DKK2: variants seen among roughly 807,000 people sequenced by gnomAD.
DKK2 encodes dickkopf-related protein 2.
In DKK2, 11 loss-of-function variants were observed where a neutral mutation model predicts 28.1. That is an observed-to-expected ratio of 0.39 (90% CI 0.25 to 0.65). The LOEUF is 0.65. Ranked by LOEUF, DKK2 falls within the 30% of genes least tolerant of loss-of-function variation. DKK2 has a pLI of 0.47. For synonymous variants in DKK2, 135 were observed against 126.5 expected (o/e 1.07, Z -0.45); for missense variants, 326 against 335.5 (o/e 0.97, Z 0.22).
chr4:107,016,771 T>C (rs1372270265), intron 1 of DKK2, among the ~76,000 whole-genome samples: 3 of 151,834 alleles, frequency 2.0e-5, no homozygotes, highest in Admixed American at 6.6e-5. Flanking sequence ...GGTTGAGCAA[T>C]TGGAAAACTA....
At chr4:106,968,722 C>A (rs988905921) in intron 1 of DKK2, among the ~76,000 whole-genome samples, 1 of 151,958 alleles carries the variant, frequency 6.6e-6, no homozygotes, top group African/African-American at 2.4e-5. Context: ...TTCCATATGG[C>A]GTTCTGGACA....
intron 1 of DKK2, among the ~76,000 whole-genome samples, chr4:106,982,342 G>T (rs1723038731): frequency 6.6e-6 from 1 of 152,156 alleles, no homozygotes; most frequent in Non-Finnish European, 1.5e-5. Context: ...ATTTGCGTAA[G>T]TTAGTGTACT....
At chr4:107,001,190 C>G (rs929693944) in intron 1 of DKK2, among the ~76,000 whole-genome samples, 2 of 152,116 alleles carry the variant, frequency 1.3e-5, no homozygotes, top group Non-Finnish European at 2.9e-5. Context: ...GTACAACATA[C>G]AAAGCCAAGT....
intron 1 of DKK2, among the ~76,000 whole-genome samples, chr4:106,938,422 G>T (rs1042821917): frequency 6.6e-6 from 1 of 152,150 alleles, no homozygotes; most frequent in Non-Finnish European, 1.5e-5. Context: ...AAACCAGGAA[G>T]AAGTTGAATC....
chr4:106,996,082 CA>C (rs1715965450), intron 1 of DKK2, among the ~76,000 whole-genome samples: 1 of 152,088 alleles, frequency 6.6e-6, no homozygotes, highest in South Asian at 2.1e-4. Flanking sequence ...AAAGCAACAA[CA>C]AAAAGTCTAC....
intron 1 of DKK2, among the ~76,000 whole-genome samples, chr4:106,939,270 G>C (rs1325670039): frequency 6.6e-6 from 1 of 152,040 alleles, no homozygotes; most frequent in Non-Finnish European, 1.5e-5. Context: ...AAAGTCTCGG[G>C]ATACAAAATC....
At chr4:107,000,760 A>G (rs1578373738) in intron 1 of DKK2, among the ~76,000 whole-genome samples, 1 of 152,178 alleles carries the variant, frequency 6.6e-6, no homozygotes, top group African/African-American at 2.4e-5. Context: ...CATCTCATAA[A>G]GTATTCATAC....
intron 1 of DKK2, among the ~76,000 whole-genome samples, chr4:106,976,761 G>A (rs1209520140): frequency 1.3e-5 from 2 of 152,152 alleles, no homozygotes; most frequent in Non-Finnish European, 2.9e-5. Context: ...ATTGTTATGT[G>A]TAAATTTGAT....
chr4:106,948,896 A>G (rs1229037859), intron 1 of DKK2, among the ~76,000 whole-genome samples: 1 of 152,146 alleles, frequency 6.6e-6, no homozygotes, highest in East Asian at 1.9e-4. Context: ...GCCAAGTCAG[A>G]TTTCATGCCA....
intron 1 of DKK2, among the ~76,000 whole-genome samples, chr4:106,971,751 C>T (rs974828974): frequency 4.6e-5 from 7 of 152,050 alleles, no homozygotes; most frequent in Non-Finnish European, 8.8e-5. Flanking sequence ...GATGCCTTGG[C>T]GGCTAATCAA....
chr4:107,000,292 A>T (rs2110364813), intron 1 of DKK2, among the ~76,000 whole-genome samples: 1 of 152,244 alleles, frequency 6.6e-6, no homozygotes, highest in Middle Eastern at 3.4e-3. Flanking sequence ...GAATGATGTT[A>T]ATGACTAGAG....
chr4:107,000,406 A>G (rs1723342279), intron 1 of DKK2, among the ~76,000 whole-genome samples: 1 of 152,192 alleles, frequency 6.6e-6, no homozygotes, highest in African/African-American at 2.4e-5. Context: ...AGCAAAATTT[A>G]TATCATCAGT....
chr4:106,990,699 A>T (rs1723190460), intron 1 of DKK2, among the ~76,000 whole-genome samples: 1 of 152,150 alleles, frequency 6.6e-6, no homozygotes, highest in South Asian at 2.1e-4. Context: ...CTTACAGTCC[A>T]GTCTCCAGCT....
Position 106,923,989 on chromosome 4 carries a change from A to G in DKK2, c.745T>C (p.Ser249Pro). 1 of 1,613,924 alleles carries G rather than the reference A, an allele frequency of 6.2e-7. No individual in the cohort carries two copies. Among genetic ancestry groups the G allele is most frequent in the Non-Finnish European group, 8.5e-7 (1 of 1,179,874 alleles). The change falls in exon 4 of 4, where the codon TCC becomes CCC. Residue 249 changes from serine (S) to proline (P), a missense_variant. Ser to Pro is a moderately conservative substitution (Grantham distance 74, BLOSUM62 -1). Coordinates refer to ENST00000285311, the MANE Select transcript of DKK2 (RefSeq NM_014421.3). Reference protein sequence around the residue: ...CKVWKDATYSSKARLHVCQKI With the variant: ...CKVWKDATYSPKARLHVCQKI ...TGACACACATGGAGTCTGGCTTTGG[A>G]GGAGTAGGTGGCATCTTTCCATACT...
chr4:106,985,006 G>A (rs181500473), intron 1 of DKK2, among the ~76,000 whole-genome samples: 8 of 152,052 alleles, frequency 5.3e-5, no homozygotes, highest in Non-Finnish European at 1.2e-4. Flanking sequence ...TCAGGAGAGA[G>A]AGACCATCCT....
At chr4:106,995,006 G>C (rs1723251904) in intron 1 of DKK2, among the ~76,000 whole-genome samples, 1 of 152,072 alleles carries the variant, frequency 6.6e-6, no homozygotes, top group Non-Finnish European at 1.5e-5. Context: ...TAAAACCATG[G>C]TTTCATGAGT....
chr4:106,930,284 A>C (rs1724483731), intron 1 of DKK2, among the ~76,000 whole-genome samples: 1 of 152,208 alleles, frequency 6.6e-6, no homozygotes. Flanking sequence ...TCTTTGAAAT[A>C]ATTGAGTCTG....
At chr4:106,966,419 A>G (rs1453233753) in intron 1 of DKK2, among the ~76,000 whole-genome samples, 1 of 152,246 alleles carries the variant, frequency 6.6e-6, no homozygotes, top group Non-Finnish European at 1.5e-5. Flanking sequence ...ATATAAGAAT[A>G]TGCAACCACT....
chr4:106,962,534 TGTGTGTGTGTGTGTGTGTGA>T (rs1489524724), intron 1 of DKK2, among the ~76,000 whole-genome samples: 8 of 128,604 alleles, frequency 6.2e-5, no homozygotes, highest in African/African-American at 1.9e-4. Flanking sequence ...TGTGTGTGTG[TGTGTGTGTGTGTGTGTGTGA>T]ATGCAGAAGA....
Sources: allele counts gnomAD v4.1 joint callset (sites outside exome capture counted in the v4.1 genomes callset), GRCh38; gene constraint gnomAD v4.1.1; transcripts MANE v1.5; gene names NCBI Gene and HGNC (gene_info 2026-07-23, HGNC 2026-07-21).